The following SLC1A7 variants were observed in gnomAD, a reference collection of about 807,000 sequenced individuals.
SLC1A7 encodes the protein excitatory amino acid transporter 5.
A neutral mutation model predicts 47.7 loss-of-function variants in SLC1A7; 40 were observed. The ratio of observed to expected loss-of-function variants is 0.84; its 90% CI spans 0.65 to 1.09. SLC1A7 has a LOEUF of 1.09. SLC1A7 is among the 50% of genes least tolerant of loss of function. SLC1A7 has a pLI of 0.00. For synonymous variants in SLC1A7, 323 were observed against 325.6 expected (o/e 0.99, Z 0.09); for missense variants, 746 against 769.5 (o/e 0.97, Z 0.36).
chr1:53,130,733 G>A (rs991305579), intron 2 of SLC1A7, among the ~76,000 whole-genome samples: 1 of 152,136 alleles, frequency 6.6e-6, no homozygotes, highest in Non-Finnish European at 1.5e-5. Context: ...AGCTCAGTCA[G>A]CTCAGGGTCA....
At chr1:53,090,028 C>T (rs996650272) in intron 8 of SLC1A7, 94 bp from the exon 9 acceptor site, 1 of 1,398,184 alleles carries the variant, frequency 7.2e-7, no homozygotes, top group Non-Finnish European at 1.0e-6. Flanking sequence ...GTCAGGGCCT[C>T]TGGGACAGCC....
At position 53,087,990 on chromosome 1, in the gene SLC1A7, C is replaced by A; in HGVS notation, c.*19G>T. Reference sequence around the variant, plus strand: ...ACCCTGCCCCTGGAGGCCTCGCCTGCCCCTGCAGCTCCGCAGGCTCAGACA... The same window carrying A: ...ACCCTGCCCCTGGAGGCCTCGCCTGACCCTGCAGCTCCGCAGGCTCAGACA... On this transcript the variant is annotated 3_prime_UTR_variant, in exon 11 of 11. Coordinates refer to ENST00000371494, the MANE Select transcript of SLC1A7 (RefSeq NM_006671.6). 7.0e-7 allele frequency: 1 copy of A among 1,432,272 alleles called. No homozygotes were observed. Among genetic ancestry groups the A allele is most frequent in the Non-Finnish European group, 9.3e-7 (1 of 1,073,508 alleles). The allele number at this position is 1,432,272 out of a possible 1,614,324, so 88.7% of individuals were successfully genotyped here. A position where few individuals can be genotyped will look rare whatever the true frequency, so the allele number is the denominator to read the frequency against.
intron 1 of SLC1A7, among the ~76,000 whole-genome samples, chr1:53,140,670 G>A (rs1021953089): frequency 6.6e-6 from 1 of 152,178 alleles, no homozygotes; most frequent in African/African-American, 2.4e-5. Flanking sequence ...CACGTAGTAA[G>A]CACCTACTGT....
At chr1:53,094,660 C>A (rs1396025519) in intron 5 of SLC1A7, among the ~76,000 whole-genome samples, 1 of 152,196 alleles carries the variant, frequency 6.6e-6, no homozygotes, top group Non-Finnish European at 1.5e-5. Context: ...GGAGGTGACC[C>A]TGGGCCTACC....
At chr1:53,131,759 T>C (rs1324072739) in intron 2 of SLC1A7, among the ~76,000 whole-genome samples, 1 of 152,374 alleles carries the variant, frequency 6.6e-6, no homozygotes, top group Middle Eastern at 3.4e-3. Flanking sequence ...CAGAGTTGAA[T>C]CTAGGCAGAG....
Position 53,099,111 on chromosome 1 carries a change from G to A in SLC1A7, c.697+4235C>T, listed in dbSNP as rs1038306936. Among the ~76,000 whole-genome samples, 31 of 141,348 alleles carry A rather than the reference G, an allele frequency of 2.2e-4. 1 individual carries two copies. The highest frequency in any genetic ancestry group is 1.4e-3 in the Admixed American group (20 of 14,314). 92.7% of individuals were successfully genotyped at this position (141,348 alleles called of 152,430 possible). ...TCGGTACATGCACACATACCGCCTC[G>A]GTAGGCTCACACATACCATCTCGGT... is the stretch of plus-strand genomic sequence containing the variant. On this transcript the variant is annotated intron_variant, in intron 5 of 10. Transcript: ENST00000371494.
In SLC1A7 at chr1:53,142,614, A is replaced by G. The variant is rs1645070161; in HGVS notation, c.-165T>C. On this transcript the variant is annotated 5_prime_UTR_variant, in exon 1 of 11. Transcript: ENST00000371494. ...ACGGCCATGCCCGTGTGGCCGCCTT[A>G]GAGGGAAGCCACAATCCTATTACCA... 1 of 673,430 alleles carries G rather than the reference A, an allele frequency of 1.5e-6. No homozygotes were observed. The highest frequency in any genetic ancestry group is 1.8e-5 in the African/African-American group (1 of 54,918). 41.7% of individuals were successfully genotyped at this position (673,430 alleles called of 1,614,324 possible).
intron 5 of SLC1A7, 61 bp from the exon 6 acceptor site, chr1:53,093,621 T>C (rs1644451020): frequency 7.4e-7 from 1 of 1,351,340 alleles, no homozygotes; most frequent in Non-Finnish European, 1.0e-6. Flanking sequence ...CCCACATGGG[T>C]CTCAGCATGG....
At chr1:53,091,237 C>A (rs886420622) in intron 7 of SLC1A7, among the ~76,000 whole-genome samples, 1 of 152,240 alleles carries the variant, frequency 6.6e-6, no homozygotes, top group Non-Finnish European at 1.5e-5. Flanking sequence ...CGACTACGGG[C>A]TTGGACAGCA....
chr1:53,131,706 A>G (rs762730744), intron 2 of SLC1A7, among the ~76,000 whole-genome samples: 1 of 152,286 alleles, frequency 6.6e-6, no homozygotes, highest in Non-Finnish European at 1.5e-5. Context: ...AGTATTAATG[A>G]GCACCTACTA....
At chr1:53,133,302 G>A (rs1572348944) in intron 2 of SLC1A7, among the ~76,000 whole-genome samples, 1 of 152,236 alleles carries the variant, frequency 6.6e-6, no homozygotes, top group South Asian at 2.1e-4. Flanking sequence ...TGAGGAGTCA[G>A]GGAAGGCTTC....
At chr1:53,090,296 C>G (rs996596863) in intron 8 of SLC1A7, 1 of 543,370 alleles carries the variant, frequency 1.8e-6, no homozygotes, top group East Asian at 3.2e-5. Flanking sequence ...AGGGTCAGAC[C>G]TGTGTGCTTG....
intron 4 of SLC1A7, among the ~76,000 whole-genome samples, 184 bp downstream of exon 4, chr1:53,105,548 G>A (rs1311764081): frequency 6.6e-6 from 1 of 152,098 alleles, no homozygotes; most frequent in Non-Finnish European, 1.5e-5. Flanking sequence ...GGACAGGGAT[G>A]TGGCCATGGG....
Position 53,088,182 on chromosome 1 carries a change from C to A in SLC1A7, c.1510G>T (p.Val504Leu), listed in dbSNP as rs150697605. Residue 504 changes from valine (V) to leucine (L), a missense_variant, in exon 11 of 11, where the codon GTG (valine) becomes TTG (leucine). Val to Leu is a conservative substitution (Grantham distance 32). Transcript: ENST00000371494. ...ACACAGCCATTCTGCTGGGCTGCCA[C>A]GATCTCCTGGAGGCTCACTGGCTTG... Reference protein sequence around the residue: ...ETKPVSLQEIVAAQQNGCVKS... With the variant: ...ETKPVSLQEILAAQQNGCVKS... 8 of 1,613,404 alleles carry A rather than the reference C, an allele frequency of 5.0e-6. No individual in the cohort carries two copies. In the East Asian group the frequency reaches 1.8e-4, roughly 36 times the overall value.
chr1:53,124,254 ACACACACACACACAC>A (rs748933661), intron 2 of SLC1A7, among the ~76,000 whole-genome samples: 7 of 150,428 alleles, frequency 4.7e-5, no homozygotes, highest in African/African-American at 1.5e-4. Flanking sequence ...TACACAACAC[ACACACACACACACAC>A]ACACACACAC....
chr1:53,132,269 G>A (rs1644949030), intron 2 of SLC1A7, among the ~76,000 whole-genome samples: 1 of 152,164 alleles, frequency 6.6e-6, no homozygotes, highest in Admixed American at 6.5e-5. Context: ...TGGAATAGAT[G>A]GGACGGGGAC....
In SLC1A7 at chr1:53,087,658, CGTGAGACCTTGGACAA is replaced by C. The variant is rs935391421; in HGVS notation, c.*335_*350del. The C allele has an allele frequency of 3.4e-5, 6 of 177,972 alleles. No homozygotes were observed. Among genetic ancestry groups the C allele is most frequent in the African/African-American group, 1.4e-4 (6 of 42,636 alleles). 11.0% of individuals were successfully genotyped at this position (177,972 alleles called of 1,614,324 possible). A position where few individuals can be genotyped will look rare whatever the true frequency, so the allele number is the denominator to read the frequency against. On this transcript the variant is annotated 3_prime_UTR_variant, in exon 11 of 11. Coordinates refer to ENST00000371494, the MANE Select transcript of SLC1A7 (RefSeq NM_006671.6). ...ATTTGAGTTAGTGTCTTGACCTTAACGTGAGACCTTGGACAAGTGTTTTCAGCTCTCAGAGCCTCAA... is the reference window on the plus strand; with the variant it reads ...ATTTGAGTTAGTGTCTTGACCTTAACGTGTTTTCAGCTCTCAGAGCCTCAA...
At chr1:53,106,117 G>A (rs570957725) in intron 3 of SLC1A7, among the ~76,000 whole-genome samples, 11 of 151,914 alleles carry the variant, frequency 7.2e-5, no homozygotes, top group South Asian at 4.2e-4. Flanking sequence ...GAGACCCTGC[G>A]GCCCTTCTGT....
At chr1:53,088,821 T>C in intron 10 of SLC1A7, 56 bp downstream of exon 10, 1 of 1,401,664 alleles carries the variant, frequency 7.1e-7, no homozygotes, top group Non-Finnish European at 1.0e-6. Context: ...TCTGGTGCCC[T>C]GCCCACCCTG....
Sources: allele counts gnomAD v4.1 joint callset (sites outside exome capture counted in the v4.1 genomes callset), GRCh38; gene constraint gnomAD v4.1.1; transcripts MANE v1.5; gene names NCBI Gene and HGNC (gene_info 2026-07-23, HGNC 2026-07-21).